Variants in RAP1GDS1 observed in about 807,000 individuals in gnomAD.
RAP1GDS1 encodes the protein RAP1, GTP-GDP dissociation stimulator 1.
A neutral mutation model predicts 71.1 loss-of-function variants in RAP1GDS1; 35 were observed. The ratio of observed to expected loss-of-function variants is 0.49; its 90% confidence interval spans 0.38 to 0.65. The LOEUF is 0.65. Ranked by LOEUF, RAP1GDS1 falls within the 30% of genes least tolerant of loss-of-function variation. The pLI, the probability that RAP1GDS1 is intolerant of heterozygous loss-of-function variation, is 0.00. For synonymous variants in RAP1GDS1, 229 were observed against 243.1 expected (o/e 0.94, Z 0.54); for missense variants, 663 against 706.1 (o/e 0.94, Z 0.69).
intron 2 of RAP1GDS1, among the ~76,000 whole-genome samples, chr4:98,323,644 G>T (rs1179995575): frequency 3.2e-5 from 4 of 123,702 alleles, no homozygotes; most frequent in African/African-American, 1.3e-4. Context: ...ATGTAATCCA[G>T]CATATAAACA....
intron 4 of RAP1GDS1, among the ~76,000 whole-genome samples, chr4:98,359,568 G>A (rs774121888): frequency 6.6e-6 from 1 of 152,068 alleles, no homozygotes. Context: ...TGGGGCTGTA[G>A]GACATGTAAA....
intron 4 of RAP1GDS1, 32 bp downstream of exon 4, chr4:98,352,633 A>G (rs766597017): frequency 1.1e-5 from 17 of 1,605,518 alleles, no homozygotes; most frequent in Non-Finnish European, 1.3e-5. Context: ...ATACACATAC[A>G]TTTTTAAGAA....
At chr4:98,377,327 A>G (rs975278708) in intron 4 of RAP1GDS1, among the ~76,000 whole-genome samples, 2 of 151,944 alleles carry the variant, frequency 1.3e-5, no homozygotes, top group Non-Finnish European at 2.9e-5. Context: ...CATCATCCAC[A>G]TAGAAATTGC....
chr4:98,402,317 C>T (rs954158180), intron 6 of RAP1GDS1, among the ~76,000 whole-genome samples: 2 of 152,096 alleles, frequency 1.3e-5, no homozygotes, highest in African/African-American at 4.8e-5. Flanking sequence ...AGGGATCTGC[C>T]CACCCCAGAC....
chr4:98,431,193 T>A (rs1750352488), intron 12 of RAP1GDS1, among the ~76,000 whole-genome samples: 1 of 152,230 alleles, frequency 6.6e-6, no homozygotes, highest in Non-Finnish European at 1.5e-5. Flanking sequence ...AGTCATTTGC[T>A]CATTCATCCA....
At position 98,379,094 on chromosome 4, in the gene RAP1GDS1, A is replaced by G; in HGVS notation, c.439A>G (p.Thr147Ala). 1.2e-6 allele frequency: 2 copies of G among 1,611,228 alleles called. No homozygotes were observed. The highest frequency in any genetic ancestry group is 1.1e-5 in the South Asian group (1 of 90,766). Residue 147 changes from threonine (T) to alanine (A), a missense_variant, in exon 5 of 15, where the codon ACA becomes GCA. Coordinates refer to ENST00000408927, the MANE Select transcript of RAP1GDS1 (RefSeq NM_001100427.2). ...IDHLRSLCSI[T>A]DPANEKLLTV... ...CCATTTAAGGTCACTGTGCAGTATA[A>G]CAGATCCCGCCAATGAGAAGCTCTT... is the stretch of plus-strand genomic sequence containing the variant.
At chr4:98,285,248 T>C (rs1027631549) in intron 1 of RAP1GDS1, among the ~76,000 whole-genome samples, 11 of 152,206 alleles carry the variant, frequency 7.2e-5, no homozygotes, top group Non-Finnish European at 1.0e-4. Flanking sequence ...CAAATGAAGA[T>C]AGCCTAAAAA....
At chr4:98,347,057 A>C (rs1237259194) in intron 3 of RAP1GDS1, among the ~76,000 whole-genome samples, 1 of 152,204 alleles carries the variant, frequency 6.6e-6, no homozygotes, top group Non-Finnish European at 1.5e-5. Context: ...TAGTCTAATA[A>C]ACACTGAGGT....
At position 98,293,399 on chromosome 4, in the gene RAP1GDS1, T is replaced by G. The variant is rs1727252329; in HGVS notation, c.5-9T>G. The G allele has an allele frequency of 6.4e-7, 1 of 1,572,232 alleles. No homozygotes were observed. On this transcript the variant is annotated splice_polypyrimidine_tract_variant and intron_variant, in intron 1 of 14. Coordinates refer to ENST00000408927, the MANE Select transcript of RAP1GDS1 (RefSeq NM_001100427.2). ...GTTGAGTTTCTGATTTTTTTTTTTC[T>G]TTAAGCAGATAATCTCAGTGATACC... is the stretch of plus-strand genomic sequence containing the variant.
chr4:98,297,482 A>G (rs909690804), intron 2 of RAP1GDS1, among the ~76,000 whole-genome samples: 2 of 152,164 alleles, frequency 1.3e-5, no homozygotes, highest in African/African-American at 2.4e-5. Context: ...TCTGTGTCAC[A>G]TTATGGTAAT....
intron 3 of RAP1GDS1, among the ~76,000 whole-genome samples, chr4:98,346,835 C>T (rs1233531560): frequency 3.3e-5 from 5 of 152,140 alleles, no homozygotes; most frequent in South Asian, 2.1e-4. Context: ...TGAGCCACTG[C>T]GCCCGGCCAG....
chr4:98,323,081 A>G (rs1178813703), intron 2 of RAP1GDS1, among the ~76,000 whole-genome samples: 1 of 151,726 alleles, frequency 6.6e-6, no homozygotes, highest in Non-Finnish European at 1.5e-5. Context: ...AAAAAATGAT[A>G]AAGGGGATAT....
At chr4:98,415,182 G>T (rs1747757924) in intron 7 of RAP1GDS1, among the ~76,000 whole-genome samples, 1 of 152,134 alleles carries the variant, frequency 6.6e-6, no homozygotes, top group African/African-American at 2.4e-5. Context: ...GCTCTATTCT[G>T]CCTGACCCTG....
chr4:98,336,998 G>T (rs565651344), intron 2 of RAP1GDS1, among the ~76,000 whole-genome samples: 1 of 152,050 alleles, frequency 6.6e-6, no homozygotes, highest in South Asian at 2.1e-4. Context: ...AGGTTCAAGC[G>T]ATTCTTATGC....
chr4:98,351,544 A>G (rs756014044), intron 3 of RAP1GDS1, among the ~76,000 whole-genome samples: 1 of 152,156 alleles, frequency 6.6e-6, no homozygotes, highest in African/African-American at 2.4e-5. Context: ...CAGGTTATAG[A>G]TGGATAAATT....
chr4:98,420,007 C>G lies in RAP1GDS1; in HGVS notation c.1175-12C>G. 6.3e-7 allele frequency: 1 copy of G among 1,584,180 alleles called. No homozygotes were observed. The highest frequency in any genetic ancestry group is 8.6e-7 in the Non-Finnish European group (1 of 1,165,072). The stretch of plus-strand genomic sequence containing the variant: ...TAATACCATTTTAACCATAGTCTCT[C>G]TTTTTCTCCAGTTATAAATAAAGCA... On this transcript the variant is annotated splice_polypyrimidine_tract_variant and intron_variant, in intron 10 of 14. Coordinates refer to ENST00000408927, the MANE Select transcript of RAP1GDS1 (RefSeq NM_001100427.2).
intron 2 of RAP1GDS1, among the ~76,000 whole-genome samples, chr4:98,323,126 A>G (rs940787184): frequency 6.7e-6 from 1 of 149,724 alleles, no homozygotes; most frequent in African/African-American, 2.5e-5. Flanking sequence ...AACTACCATC[A>G]GAGAATACTA....
intron 1 of RAP1GDS1, among the ~76,000 whole-genome samples, chr4:98,275,077 G>C (rs1249604649): frequency 6.6e-6 from 1 of 151,298 alleles, no homozygotes; most frequent in African/African-American, 2.4e-5. Flanking sequence ...GCTGTGATGA[G>C]ATACTTTGTT....
At chr4:98,432,058 T>A (rs1028836255) in intron 12 of RAP1GDS1, among the ~76,000 whole-genome samples, 2 of 152,074 alleles carry the variant, frequency 1.3e-5, no homozygotes, top group Non-Finnish European at 2.9e-5. Flanking sequence ...CATTAGGTAT[T>A]TCTCCTAATG....
Sources: gnomAD v4.1 joint callset for allele counts (sites outside exome capture counted in the v4.1 genomes callset) on GRCh38, gnomAD v4.1.1 for gene constraint, MANE v1.5 for transcripts, NCBI Gene and HGNC (gene_info 2026-07-23, HGNC 2026-07-21) for gene names.